The following SEMA5A variants were observed in gnomAD, a reference collection of about 807,000 sequenced individuals.
SEMA5A encodes the protein semaphorin-5A.
In SEMA5A, 55 loss-of-function variants were observed where a neutral mutation model predicts 135.5. The observed-to-expected ratio is 0.41, with a 90% CI of 0.33 to 0.51. SEMA5A has a LOEUF of 0.51. SEMA5A is among the 20% of genes least tolerant of loss of function. The probability of loss-of-function intolerance (pLI) is 0.37; values close to 1 mark genes in which losing one functional copy is unlikely to be tolerated. For synonymous variants in SEMA5A, 580 were observed against 546.5 expected, an observed-to-expected ratio of 1.06 and a Z score of -0.85; for missense variants, 1,290 against 1,419.9, an observed-to-expected ratio of 0.91 and a Z score of 1.47.
intron 13 of SEMA5A, 120 bp downstream of exon 13, chr5:9,136,384 T>G (rs1209301896): frequency 1.3e-5 from 10 of 778,374 alleles, no homozygotes; most frequent in Non-Finnish European, 2.1e-5. Context: ...CAGACTGGGT[T>G]TGCAAAAATG....
At chr5:9,190,183 T>A (rs543244047) in intron 11 of SEMA5A, 84 bp downstream of exon 11, 205 of 1,427,234 alleles carry the variant, frequency 1.4e-4, no homozygotes, top group Middle Eastern at 7.7e-4. Context: ...AGCTTGAAAT[T>A]GAAATTGAAT....
At chr5:9,300,260 T>G (rs1751551477) in intron 5 of SEMA5A, among the ~76,000 whole-genome samples, 1 of 152,152 alleles carries the variant, frequency 6.6e-6, no homozygotes. Context: ...ACTCCTGGGT[T>G]CAAGTGATCC....
At chr5:9,052,596 T>A (rs1314578628) in intron 19 of SEMA5A, among the ~76,000 whole-genome samples, 1 of 152,174 alleles carries the variant, frequency 6.6e-6, no homozygotes, top group East Asian at 1.9e-4. Flanking sequence ...CATGCCAAAG[T>A]CAGGTGACCC....
intron 11 of SEMA5A, among the ~76,000 whole-genome samples, chr5:9,175,720 C>T (rs371912273): frequency 9.2e-5 from 14 of 152,300 alleles, no homozygotes; most frequent in Non-Finnish European, 1.3e-4. Context: ...AAATAACCAA[C>T]GTAATTACTT....
chr5:9,449,067 G>C (rs1242580937), intron 1 of SEMA5A, among the ~76,000 whole-genome samples: 4 of 152,164 alleles, frequency 2.6e-5, no homozygotes, highest in Non-Finnish European at 4.4e-5. Flanking sequence ...TCATTACTGA[G>C]TATATACCCA....
intron 5 of SEMA5A, among the ~76,000 whole-genome samples, chr5:9,317,382 G>T (rs1439034330): frequency 6.6e-6 from 1 of 152,116 alleles, no homozygotes; most frequent in Non-Finnish European, 1.5e-5. Flanking sequence ...CCATTTCACA[G>T]ATGAGGAACC....
intron 3 of SEMA5A, among the ~76,000 whole-genome samples, chr5:9,353,888 C>T (rs1754324961): frequency 1.3e-5 from 2 of 152,042 alleles, no homozygotes; most frequent in South Asian, 4.1e-4. Context: ...AAGTCACTGG[C>T]CTCACCCCCA....
At chr5:9,070,351 G>A (rs4701833) in intron 16 of SEMA5A, among the ~76,000 whole-genome samples, 18,282 of 152,116 alleles carry the variant, frequency 0.12, 1,588 homozygotes, top group East Asian at 0.35. Context: ...AGCCTGGGCA[G>A]CAGAGTGAGA....
At chr5:9,524,125 A>C (rs1056924597) in intron 1 of SEMA5A, among the ~76,000 whole-genome samples, 6 of 152,148 alleles carry the variant, frequency 3.9e-5, no homozygotes, top group African/African-American at 1.4e-4. Context: ...CTGGTTGTTG[A>C]AAAGTATAGT....
At chr5:9,120,791 T>G (rs1376806784) in intron 14 of SEMA5A, among the ~76,000 whole-genome samples, 1 of 151,820 alleles carries the variant, frequency 6.6e-6, no homozygotes, top group Admixed American at 6.6e-5. Context: ...TTGATTTTTT[T>G]TTTTTTGAGA....
intron 22 of SEMA5A, among the ~76,000 whole-genome samples, chr5:9,043,626 T>C (rs912921870): frequency 3.3e-5 from 5 of 152,304 alleles, no homozygotes; most frequent in African/African-American, 1.2e-4. Flanking sequence ...AGGATTAAAA[T>C]GAAGATGAAG....
intron 5 of SEMA5A, among the ~76,000 whole-genome samples, chr5:9,290,463 C>T (rs946063291): frequency 9.9e-5 from 15 of 152,020 alleles, no homozygotes. Context: ...TGGATTGGTT[C>T]AATATTTTTG....
intron 1 of SEMA5A, among the ~76,000 whole-genome samples, chr5:9,484,033 G>A (rs1759982858): frequency 1.3e-5 from 2 of 152,190 alleles, no homozygotes; most frequent in South Asian, 4.1e-4. Flanking sequence ...ATTCGGGAAG[G>A]CAGGGTCCCA....
intron 3 of SEMA5A, among the ~76,000 whole-genome samples, chr5:9,340,407 T>C (rs1283228500): frequency 6.6e-6 from 1 of 152,154 alleles, no homozygotes; most frequent in Admixed American, 6.6e-5. Context: ...GAAAAAAGAC[T>C]ACGAAAGATA....
chr5:9,282,629 T>A (rs1750599238), intron 5 of SEMA5A, among the ~76,000 whole-genome samples: 1 of 152,140 alleles, frequency 6.6e-6, no homozygotes, highest in East Asian at 1.9e-4. Context: ...ATCTCAGAGG[T>A]TCACGGAGGC....
At chr5:9,481,627 T>C (rs1162513351) in intron 1 of SEMA5A, among the ~76,000 whole-genome samples, 3 of 152,244 alleles carry the variant, frequency 2.0e-5, no homozygotes, top group Non-Finnish European at 2.9e-5. Context: ...ATTTCTACCA[T>C]ATATTTTACT....
At chr5:9,220,063 A>G (rs1746847383) in intron 8 of SEMA5A, among the ~76,000 whole-genome samples, 1 of 152,210 alleles carries the variant, frequency 6.6e-6, no homozygotes, top group Admixed American at 6.5e-5. Context: ...ATCAACTTGG[A>G]AGGAGCTGGA....
At chr5:9,239,872 C>T (rs1224595385) in intron 5 of SEMA5A, among the ~76,000 whole-genome samples, 2 of 151,956 alleles carry the variant, frequency 1.3e-5, no homozygotes, top group Non-Finnish European at 2.9e-5. Flanking sequence ...CTTCTATAAA[C>T]ATGAAAGCTA....
intron 5 of SEMA5A, chr5:9,265,605 G>A: frequency 2.2e-6 from 1 of 453,698 alleles, no homozygotes; most frequent in Non-Finnish European, 4.4e-6. Context: ...GGCGTCCCAT[G>A]TTCAGCTATC....
Sources: gnomAD v4.1 joint callset for allele counts (sites outside exome capture counted in the v4.1 genomes callset) on GRCh38, gnomAD v4.1.1 for gene constraint, MANE v1.5 for transcripts, NCBI Gene and HGNC (gene_info 2026-07-23, HGNC 2026-07-21) for gene names.